Variants in ACOT11 observed in about 807,000 individuals in gnomAD.
ACOT11 encodes acyl-CoA thioesterase 11, also known as acyl-coenzyme A thioesterase 11.
A neutral mutation model predicts 77.5 loss-of-function variants in ACOT11; 69 were observed. The observed-to-expected ratio is 0.89, with a 90% confidence interval of 0.73 to 1.09. ACOT11 has a LOEUF of 1.09. ACOT11 is among the 50% of genes least tolerant of loss of function. The probability of loss-of-function intolerance (pLI) is 0.00; values close to 1 mark genes in which losing one functional copy is unlikely to be tolerated. For synonymous variants in ACOT11, 279 were observed against 313.0 expected, an observed-to-expected ratio of 0.89 and a Z score of 1.15; for missense variants, 766 against 813.7, an observed-to-expected ratio of 0.94 and a Z score of 0.71.
intron 1 of ACOT11, among the ~76,000 whole-genome samples, chr1:54,553,949 G>A (rs1036408008): frequency 1.1e-4 from 16 of 152,174 alleles, no homozygotes; most frequent in African/African-American, 3.6e-4. Context: ...TGAGATGGGC[G>A]GATCGCTTGA....
chr1:54,604,039 T>C, intron 11 of ACOT11, 102 bp downstream of exon 11: 1 of 1,088,356 alleles, frequency 9.2e-7, no homozygotes, highest in Non-Finnish European at 1.4e-6. Context: ...GAGAGCAGGA[T>C]ATGAATGACA....
Position 54,597,079 on chromosome 1 carries a change from G to A in ACOT11, c.608-180G>A, listed in dbSNP as rs554910301. 3.9e-5 allele frequency among the ~76,000 whole-genome samples: 6 copies of A among 152,312 alleles called. No homozygotes were observed. The South Asian group carries it at 1.2e-3, about 32-fold the overall frequency. ...GAGCTGGTGCTGCATCCACTGCACT[G>A]GACAGGCTCATCCCTCTCATCCAGG... On this transcript the variant is annotated intron_variant, in intron 6 of 15. Coordinates refer to ENST00000343744, the MANE Select transcript of ACOT11 (RefSeq NM_147161.4).
rs746530042 is a variant in ACOT11, at chr1:54,609,125, G to A, written c.*13G>A. 1.2e-6 allele frequency: 2 copies of A among 1,613,940 alleles called. No homozygotes were observed. Among genetic ancestry groups the A allele is most frequent in the Non-Finnish European group, 1.7e-6 (2 of 1,179,932 alleles). ...CCAGACCCTCTAGATGCCCTCAGTG[G>A]CCACATCATGCCCACTCCCACTCCA... On this transcript the variant is annotated 3_prime_UTR_variant, in exon 16 of 16. Coordinates refer to ENST00000343744, the MANE Select transcript of ACOT11 (RefSeq NM_147161.4).
chr1:54,591,949 T>C (rs1282259447), intron 3 of ACOT11, among the ~76,000 whole-genome samples: 1 of 152,266 alleles, frequency 6.6e-6, no homozygotes. Flanking sequence ...AAACATTTCC[T>C]TTTCTCATCT....
chr1:54,609,169 ACATACAGTGCCTGGAGAAAG>A lies in ACOT11; in HGVS notation c.*59_*78del. ...CACTCCATCCTGTCCCCAAGGACTC[ACATACAGTGCCTGGAGAAAG>A]CCAAAGACCTTTATTTCTTCCTGCC... On this transcript the variant is annotated 3_prime_UTR_variant, in exon 16 of 16. Transcript: ENST00000343744. 6.2e-7 allele frequency: 1 copy of A among 1,609,986 alleles called. No homozygotes were observed. The highest frequency in any genetic ancestry group is 1.1e-5 in the South Asian group (1 of 90,472).
intron 1 of ACOT11, among the ~76,000 whole-genome samples, chr1:54,571,408 C>T (rs1362148879): frequency 2.0e-5 from 3 of 152,180 alleles, no homozygotes; most frequent in Non-Finnish European, 4.4e-5. Flanking sequence ...TACTTTGCAG[C>T]CAGAGAGCTT....
At chr1:54,558,464 TA>T (rs1246678030) in intron 1 of ACOT11, among the ~76,000 whole-genome samples, 1 of 152,098 alleles carries the variant, frequency 6.6e-6, no homozygotes, top group Admixed American at 6.6e-5. Context: ...TTGCTGGGAT[TA>T]AATTGAGACT....
chr1:54,585,167 C>T (rs191089118), intron 2 of ACOT11, among the ~76,000 whole-genome samples: 20 of 152,294 alleles, frequency 1.3e-4, no homozygotes, highest in Non-Finnish European at 2.5e-4. Flanking sequence ...TTGAGCAAAG[C>T]CCCTGACTGC....
Position 54,609,884 on chromosome 1 carries a change from G to C in ACOT11, c.*772G>C. 1 of 1,613,092 alleles carries C rather than the reference G, an allele frequency of 6.2e-7. No individual in the cohort carries two copies. Among genetic ancestry groups the C allele is most frequent in the Non-Finnish European group, 8.5e-7 (1 of 1,179,994 alleles). ...ACTTGGAGTATGAACAATGGGCACG[G>C]GGTTTTCAGCCACAGTTCCCTCGAG... is the stretch of plus-strand genomic sequence containing the variant. On this transcript the variant is annotated 3_prime_UTR_variant, in exon 16 of 16. Transcript: ENST00000343744.
chr1:54,624,565 T>C (rs12407084), intron 15 of ACOT11, among the ~76,000 whole-genome samples: 43,224 of 152,026 alleles, frequency 0.28, 6,821 homozygotes, highest in Middle Eastern at 0.4. Context: ...GGAGGCTGAC[T>C]TCTGGGGACC....
chr1:54,613,217 T>C (rs907396051), downstream of ACOT11, among the ~76,000 whole-genome samples: 2 of 151,848 alleles, frequency 1.3e-5, no homozygotes. Flanking sequence ...CTGTCTCTAC[T>C]AAAAATACAA....
chr1:54,575,164 A>G (rs556318821), intron 1 of ACOT11, among the ~76,000 whole-genome samples: 119 of 152,328 alleles, frequency 7.8e-4, no homozygotes, highest in African/African-American at 2.0e-3. Flanking sequence ...GCTGTGCTCG[A>G]GCTCTGGCTG....
chr1:54,632,650 C>A (rs1379514680), intron 16 of ACOT11, among the ~76,000 whole-genome samples: 2 of 152,172 alleles, frequency 1.3e-5, no homozygotes, highest in African/African-American at 4.8e-5. Context: ...CAAGGCAAAG[C>A]AGCTTATTGG....
intron 15 of ACOT11, among the ~76,000 whole-genome samples, chr1:54,622,275 C>CAAAAA (rs34730286): frequency 3.3e-4 from 15 of 45,926 alleles, no homozygotes; most frequent in East Asian, 6.7e-4. Flanking sequence ...GACTCTGTCT[C>CAAAAA]AAAAAAAAAA....
intron 6 of ACOT11, among the ~76,000 whole-genome samples, chr1:54,595,446 C>A (rs1020659450): frequency 1.3e-5 from 2 of 152,040 alleles, no homozygotes; most frequent in Non-Finnish European, 2.9e-5. Context: ...CTCACACACA[C>A]GTATATATAT....
At position 54,627,576 on chromosome 1, in the gene ACOT11, G is replaced by T. The variant is rs1178347806; in HGVS notation, c.1630-3158G>T. Among the ~76,000 whole-genome samples, 2 of 135,488 alleles carry T rather than the reference G, an allele frequency of 1.5e-5. 1 individual carries two copies. Among genetic ancestry groups the T allele is most frequent in the Non-Finnish European group, 3.4e-5 (2 of 59,690 alleles). 88.9% of individuals were successfully genotyped at this position (135,488 alleles called of 152,430 possible). A position where few individuals can be genotyped will look rare whatever the true frequency, so the allele number is the denominator to read the frequency against. On this transcript the variant is annotated intron_variant, in intron 15 of 16. Coordinates refer to the ACOT11 transcript ENST00000371316. ...GAGAGAAGAAAGCAGGGGCTGTCAG[G>T]GGGCTCCAGCATTTCAGATGTGAAA...
At chr1:54,638,276 C>A (rs1020585183) in exon 17 of ACOT11, 1 of 152,230 alleles carries the variant, frequency 6.6e-6, no homozygotes, top group South Asian at 2.1e-4. Context: ...AAATAAAATA[C>A]CACGCTAGGC....
intron 9 of ACOT11, among the ~76,000 whole-genome samples, chr1:54,602,163 G>C (rs1643972434): frequency 6.6e-6 from 1 of 152,194 alleles, no homozygotes; most frequent in Admixed American, 6.5e-5. Context: ...AAAGAGGGTG[G>C]GCTTGAGGCA....
intron 10 of ACOT11, among the ~76,000 whole-genome samples, chr1:54,603,147 G>A (rs1414818172): frequency 1.3e-5 from 2 of 152,198 alleles, no homozygotes; most frequent in Non-Finnish European, 2.9e-5. Flanking sequence ...GACTAGCCTG[G>A]CCAACATGGC....
Sources: allele counts gnomAD v4.1 joint callset (sites outside exome capture counted in the v4.1 genomes callset), GRCh38; gene constraint gnomAD v4.1.1; transcripts MANE v1.5; gene names NCBI Gene and HGNC (gene_info 2026-07-23, HGNC 2026-07-21).